Variants in CENPT observed in about 807,000 individuals in gnomAD.
CENPT encodes centromere protein T, also known as interphase centromere complex protein 22.
In CENPT, 42 loss-of-function variants were observed where a neutral mutation model predicts 59.7. The observed-to-expected ratio is 0.70, with a 90% confidence interval of 0.55 to 0.91. The LOEUF (loss-of-function observed/expected upper bound fraction) is 0.91. Ranked by LOEUF, CENPT falls within the 40% of genes least tolerant of loss-of-function variation. The probability of loss-of-function intolerance (pLI) is 0.00; values close to 1 mark genes in which losing one functional copy is unlikely to be tolerated. For synonymous variants in CENPT, 295 were observed against 289.6 expected, an observed-to-expected ratio of 1.02 and a Z score of -0.19; for missense variants, 716 against 713.4, an observed-to-expected ratio of 1.00 and a Z score of -0.04.
At chr16:67,834,448 C>T (rs1050941273) in intron 3 of CENPT, among the ~76,000 whole-genome samples, 1 of 151,894 alleles carries the variant, frequency 6.6e-6, no homozygotes, top group African/African-American at 2.4e-5. Context: ...GCCCCCTGGT[C>T]TCTACAAAAA....
intron 1 of CENPT, 57 bp from the exon 2 acceptor site, chr16:67,835,715 C>T (rs1399567755): frequency 6.6e-6 from 1 of 152,116 alleles, no homozygotes; most frequent in African/African-American, 2.4e-5. Context: ...AATAAGAGAA[C>T]TGTAGAGAAA....
In CENPT at chr16:67,829,850, C is replaced by T; in HGVS notation, c.1101G>A (p.Val367=). Residue 367 remains valine (V), a synonymous_variant, in exon 12 of 16, where the codon GTG becomes GTA. Coordinates refer to ENST00000562787, the MANE Select transcript of CENPT (RefSeq NM_025082.4). ...RVEEAEGHTE[V]TEAEGSQGTA... ...TCCCCTGGGATCCCTCTGCTTCTGT[C>T]ACCTCTGTGTGTCCCTCAGCCTCTT... 1 of 1,614,256 alleles carries T rather than the reference C, an allele frequency of 6.2e-7. No homozygotes were observed. Among genetic ancestry groups the T allele is most frequent in the Non-Finnish European group, 8.5e-7 (1 of 1,180,044 alleles).
At chr16:67,841,220 AAG>A (rs1555494172) in intron 1 of CENPT, among the ~76,000 whole-genome samples, 27 of 148,490 alleles carry the variant, frequency 1.8e-4, no homozygotes, top group African/African-American at 2.5e-4. Context: ...AAAAAAAAAA[AAG>A]ATTCCCTCAA....
At chr16:67,844,782 ATTT>A (rs61398471) in intron 1 of CENPT, among the ~76,000 whole-genome samples, 2 of 142,324 alleles carry the variant, frequency 1.4e-5, no homozygotes, top group African/African-American at 5.1e-5. Flanking sequence ...GCCTGCCTCT[ATTT>A]TTTTTTTTTT....
chr16:67,838,923 ACT>A (rs1181250517), intron 1 of CENPT, among the ~76,000 whole-genome samples: 3 of 143,388 alleles, frequency 2.1e-5, no homozygotes, highest in Non-Finnish European at 3.0e-5. Flanking sequence ...TGAGTGCAAG[ACT>A]CTGTCTCAAA....
rs1419360936 is a variant in CENPT at position 67,833,910 on chromosome 16, T to C, written c.-51A>G. The stretch of plus-strand genomic sequence containing the variant: ...CGCCCAGCCAGCTGCAGGCTCCGCC[T>C]TCCCGCCGCCACAGTTAATGTAACT... On this transcript the variant is annotated 5_prime_UTR_variant, in exon 4 of 16. Transcript: ENST00000562787. 2 of 1,208,380 alleles carry C rather than the reference T, an allele frequency of 1.7e-6. No individual in the cohort carries two copies. Among genetic ancestry groups the C allele is most frequent in the African/African-American group, 1.6e-5 (1 of 63,028 alleles). 74.9% of individuals were successfully genotyped at this position (1,208,380 alleles called of 1,614,324 possible). A position where few individuals can be genotyped will look rare whatever the true frequency, so the allele number is the denominator to read the frequency against.
At chr16:67,831,178 C>T (rs772950169) in intron 10 of CENPT, 38 bp downstream of exon 10, 20 of 1,613,256 alleles carry the variant, frequency 1.2e-5, no homozygotes, top group Admixed American at 6.7e-5. Context: ...GCGGGGAGAG[C>T]TTTCCCCAAA....
chr16:67,830,645 C>T (rs935980716), intron 10 of CENPT, 97 bp from the exon 11 acceptor site: 11 of 1,323,282 alleles, frequency 8.3e-6, no homozygotes, highest in African/African-American at 1.5e-5. Context: ...TGCTACTCAG[C>T]GTTGCCAGGG....
At chr16:67,844,516 G>A (rs575162986) in intron 1 of CENPT, among the ~76,000 whole-genome samples, 9 of 152,302 alleles carry the variant, frequency 5.9e-5, no homozygotes, top group Admixed American at 2.6e-4. Flanking sequence ...CGCCTCTGAG[G>A]GTTTCAATTC....
rs138604758 is a variant in CENPT, at chr16:67,833,793, C to T, written c.67G>A (p.Ala23Thr). The change falls in exon 4 of 16, where the codon GCG (alanine) becomes ACG (threonine). Residue 23 changes from alanine (A) to threonine (T), a missense_variant. Ala to Thr is a moderately conservative substitution (Grantham distance 58). Coordinates refer to ENST00000562787, the MANE Select transcript of CENPT (RefSeq NM_025082.4). ...RTLLRRVLDT[A>T]DPRTPRRPRS... is the part of the protein sequence containing the mutation. ...GGTCGCCGCGGGGTGCGCGGGTCCG[C>T]TGTATCCAGCACGCGTCGCAGCAGC... 7.4e-4 allele frequency: 1,165 copies of T among 1,573,908 alleles called. 12 individuals are homozygous for T. The African/African-American group carries it at 0.014, about 19-fold the overall frequency.
At chr16:67,831,655 G>A in intron 8 of CENPT, 43 bp from the exon 9 acceptor site, 1 of 1,612,964 alleles carries the variant, frequency 6.2e-7, no homozygotes, top group South Asian at 1.1e-5. Flanking sequence ...GAAAACCATG[G>A]TAAGTGATCC....
intron 13 of CENPT, chr16:67,829,052 A>G (rs1222373910): frequency 1.8e-6 from 1 of 550,452 alleles, no homozygotes; most frequent in Non-Finnish European, 3.1e-6. Context: ...TCCACAGTCG[A>G]CTCGACATCC....
At chr16:67,838,409 G>A (rs974883100) in intron 1 of CENPT, among the ~76,000 whole-genome samples, 1 of 151,202 alleles carries the variant, frequency 6.6e-6, no homozygotes, top group African/African-American at 2.4e-5. Flanking sequence ...ATCACCTGGG[G>A]TCAGGAGTTC....
At chr16:67,830,250 T>C (rs2057672901) in intron 11 of CENPT, 140 bp downstream of exon 11, 2 of 1,257,696 alleles carry the variant, frequency 1.6e-6, no homozygotes, top group Admixed American at 2.0e-5. Flanking sequence ...TGGCCCAACA[T>C]GGACTCTGCT....
Position 67,830,547 on chromosome 16 carries a change from G to A in CENPT, c.705C>T (p.Asn235=). The part of the protein sequence containing the change: ...DLRDTSLAPP[N]IVLEDTQPFS... ...ACGGCTGGGTGTCCTCCAACACAATGTCTGTGGGCAGAGTAGTAACAGGTT... is the reference window on the plus strand; with the variant it reads ...ACGGCTGGGTGTCCTCCAACACAATATCTGTGGGCAGAGTAGTAACAGGTT... The change falls in exon 11 of 16, where the codon AAC becomes AAT. Residue 235 remains asparagine (N), a splice_region_variant and synonymous_variant. Transcript: ENST00000562787. 1.2e-6 allele frequency: 2 copies of A among 1,613,896 alleles called. No homozygotes were observed. The highest frequency in any genetic ancestry group is 1.7e-6 in the Non-Finnish European group (2 of 1,179,924).
chr16:67,839,381 CAAAAA>C (rs533840724), intron 1 of CENPT, among the ~76,000 whole-genome samples: 1 of 54,168 alleles, frequency 1.8e-5, no homozygotes, highest in Non-Finnish European at 3.8e-5. Context: ...AACTCCACCT[CAAAAA>C]AAAAAAAAAA....
chr16:67,832,203 G>A, intron 6 of CENPT, 25 bp downstream of exon 6: 1 of 1,613,252 alleles, frequency 6.2e-7, no homozygotes, highest in Non-Finnish European at 8.5e-7. Flanking sequence ...ACCTAACTCT[G>A]ACCGGCAGGC....
In CENPT at chr16:67,842,959, C is replaced by T. The variant is rs923210920; in HGVS notation, c.-492+4442G>A. On this transcript the variant is annotated intron_variant, in intron 1 of 15. Transcript: ENST00000562787. The surrounding 1 kb of genome is among the most constrained non-coding windows in gnomAD (Gnocchi z 4.9). Reference sequence around the variant, plus strand: ...AGCAGCAGCAGCAGCAGTCCTCACCCTCTGCCTCCACTGCCCAGACTGCCC... The same window carrying T: ...AGCAGCAGCAGCAGCAGTCCTCACCTTCTGCCTCCACTGCCCAGACTGCCC... 7 of 1,605,560 alleles carry T rather than the reference C, an allele frequency of 4.4e-6. No homozygotes were observed. The highest frequency in any genetic ancestry group is 6.0e-6 in the Non-Finnish European group (7 of 1,176,370).
chr16:67,829,381 C>A, intron 13 of CENPT, 42 bp downstream of exon 13: 1 of 1,504,542 alleles, frequency 6.6e-7, no homozygotes, highest in South Asian at 1.2e-5. Context: ...CCAATGCTCC[C>A]TTCCCAAGAG....
Sources: gnomAD v4.1 joint callset for allele counts (sites outside exome capture counted in the v4.1 genomes callset) on GRCh38, gnomAD v4.1.1 for gene constraint, Gnocchi (gnomAD v3.1) non-coding constraint, MANE v1.5 for transcripts, NCBI Gene and HGNC (gene_info 2026-07-23, HGNC 2026-07-21) for gene names.